COPG2: variants seen among roughly 807,000 people sequenced by gnomAD.
COPG2 encodes coatomer subunit gamma-2.
In COPG2, 37 loss-of-function variants were observed where a neutral mutation model predicts 46.3. That is an observed-to-expected ratio of 0.80 (90% CI 0.61 to 1.05). The LOEUF (loss-of-function observed/expected upper bound fraction) is 1.05. Ranked by LOEUF, COPG2 falls within the 50% of genes least tolerant of loss-of-function variation. COPG2 has a pLI of 0.00. For synonymous variants in COPG2, 159 were observed against 129.7 expected (o/e 1.23, Z -1.53); for missense variants, 427 against 387.8 (o/e 1.10, Z -0.85).
chr7:130,645,301 C>G, intron 5 of COPG2: 1 of 607,934 alleles, frequency 1.6e-6, no homozygotes, highest in Non-Finnish European at 3.2e-6. Context: ...CTTCACGACG[C>G]AATGGGAGTT....
At position 130,583,805 on chromosome 7, in the gene COPG2, CAAAAAAAAAAAAAA is replaced by C. The variant is rs1168370976; in HGVS notation, c.738-19426_738-19413del. On this transcript the variant is annotated intron_variant, in intron 9 of 23. Coordinates refer to ENST00000425248, the MANE Select transcript of COPG2 (RefSeq NM_012133.6). The stretch of plus-strand genomic sequence containing the variant: ...CTGGCAACAGAGCGAGACTCCATCT[CAAAAAAAAAAAAAA>C]AAAAAAAAAAAAAAAAGTCCAGGAC... Among the ~76,000 whole-genome samples the C allele has an allele frequency of 5.7e-4, 7 of 12,356 alleles. No individual in the cohort carries two copies. In the South Asian group the frequency reaches 0.016, roughly 29 times the overall value. The allele number at this position is 12,356 out of a possible 152,430, so 8.1% of individuals were successfully genotyped here. A position where few individuals can be genotyped will look rare whatever the true frequency, so the allele number is the denominator to read the frequency against.
intron 20 of COPG2, among the ~76,000 whole-genome samples, chr7:130,518,412 T>C (rs1340597362): frequency 1.3e-5 from 2 of 152,138 alleles, no homozygotes; most frequent in African/African-American, 4.8e-5. Flanking sequence ...AAGACTGGTT[T>C]GAGAGAGCAA....
At chr7:130,530,577 AG>A (rs1384788721) in intron 20 of COPG2, among the ~76,000 whole-genome samples, 5 of 152,288 alleles carry the variant, frequency 3.3e-5, no homozygotes, top group Admixed American at 1.3e-4. Context: ...TATGGAGAAG[AG>A]ATGACTGAGC....
chr7:130,591,312 T>A (rs1458688847), intron 9 of COPG2, among the ~76,000 whole-genome samples: 1 of 68,806 alleles, frequency 1.5e-5, no homozygotes, highest in Non-Finnish European at 3.0e-5. Context: ...GTCCGGGAGG[T>A]GAGGGGCGCC....
At chr7:130,563,769 A>G (rs1261352108) in intron 10 of COPG2, among the ~76,000 whole-genome samples, 9 of 108,798 alleles carry the variant, frequency 8.3e-5, no homozygotes, top group Non-Finnish European at 1.4e-4. Context: ...AAAAAAAAAA[A>G]AAAAGAAAAA....
At chr7:130,643,478 G>A (rs561975301) in intron 5 of COPG2, among the ~76,000 whole-genome samples, 40 of 152,144 alleles carry the variant, frequency 2.6e-4, no homozygotes, top group Non-Finnish European at 5.7e-4. Context: ...TAAGGAGCCA[G>A]GAGTAGATAA....
intron 5 of COPG2, among the ~76,000 whole-genome samples, chr7:130,618,901 C>T (rs377526864): frequency 1.0e-3 from 157 of 152,264 alleles, no homozygotes; most frequent in African/African-American, 3.5e-3. Context: ...TTAATACCTT[C>T]ACCCAAGCTT....
At chr7:130,615,120 C>T (rs1407167732) in intron 6 of COPG2, among the ~76,000 whole-genome samples, 1 of 152,168 alleles carries the variant, frequency 6.6e-6, no homozygotes, top group Non-Finnish European at 1.5e-5. Context: ...TGGATACGGT[C>T]CTTGGCTTTG....
At chr7:130,668,554 G>T in intron 1 of COPG2, 78 bp downstream of exon 1, 9 of 1,374,588 alleles carry the variant, frequency 6.5e-6, no homozygotes, top group Non-Finnish European at 5.9e-6. Flanking sequence ...CAGCCCCGCC[G>T]GCCTGAAAGC....
At chr7:130,511,888 T>C (rs1392304277) in intron 20 of COPG2, 2 of 515,520 alleles carry the variant, frequency 3.9e-6, no homozygotes, top group Admixed American at 2.0e-5. Context: ...ACTTGCTTGA[T>C]AGGAAAGTTA....
At chr7:130,638,236 A>C (rs1795384337) in intron 5 of COPG2, among the ~76,000 whole-genome samples, 1 of 152,174 alleles carries the variant, frequency 6.6e-6, no homozygotes, top group African/African-American at 2.4e-5. Flanking sequence ...TCTGACCCTT[A>C]GGAGAGCTTG....
chr7:130,616,459 G>A (rs1208497720), intron 6 of COPG2, among the ~76,000 whole-genome samples: 1 of 152,132 alleles, frequency 6.6e-6, no homozygotes, highest in African/African-American at 2.4e-5. Context: ...GTGTGGTGGT[G>A]GGTGCCTCAA....
chr7:130,550,509 A>G lies in COPG2; in HGVS notation c.1774+15T>C. 1 of 395,770 alleles carries G rather than the reference A, an allele frequency of 2.5e-6. No homozygotes were observed. The highest frequency in any genetic ancestry group is 1.3e-4 in the South Asian group (1 of 7,718). The allele number at this position is 395,770 out of a possible 1,614,324, so 24.5% of individuals were successfully genotyped here. On this transcript the variant is annotated intron_variant, in intron 17 of 23. Transcript: ENST00000425248. ...TGCAAAACTACTTATACACAGAAAAATGAATAGAGTGAACCTGCTTTCTGT... is the reference window on the plus strand; with the variant it reads ...TGCAAAACTACTTATACACAGAAAAGTGAATAGAGTGAACCTGCTTTCTGT...
chr7:130,532,671 A>C (rs1254134727), intron 20 of COPG2, among the ~76,000 whole-genome samples: 1 of 152,130 alleles, frequency 6.6e-6, no homozygotes, highest in East Asian at 1.9e-4. Flanking sequence ...ATGTTTCCAC[A>C]TGGTGTGAGA....
chr7:130,572,300 G>T (rs2116419054), intron 9 of COPG2, among the ~76,000 whole-genome samples: 1 of 152,194 alleles, frequency 6.6e-6, no homozygotes, highest in African/African-American at 2.4e-5. Context: ...CCCAATAACT[G>T]ATAGAACAAC....
chr7:130,574,105 A>AACTAATC (rs1793962748), intron 9 of COPG2, among the ~76,000 whole-genome samples: 1 of 152,212 alleles, frequency 6.6e-6, no homozygotes, highest in South Asian at 2.1e-4. Flanking sequence ...AGTGCCCATC[A>AACTAATC]ACTAATGAAA....
intron 4 of COPG2, among the ~76,000 whole-genome samples, chr7:130,661,539 T>A (rs1373893112): frequency 6.6e-6 from 1 of 152,220 alleles, no homozygotes; most frequent in Non-Finnish European, 1.5e-5. Context: ...TTAAAAGAAG[T>A]CCTTAAAGAT....
chr7:130,662,847 A>T (rs3909555), intron 4 of COPG2, 120 bp downstream of exon 4: 1 of 664,140 alleles, frequency 1.5e-6, no homozygotes, highest in Non-Finnish European at 2.7e-6. Context: ...AAGTTTTATA[A>T]GCAGTTAAAT....
chr7:130,633,846 G>C (rs1443921119), intron 5 of COPG2, among the ~76,000 whole-genome samples: 2 of 152,138 alleles, frequency 1.3e-5, no homozygotes, highest in African/African-American at 4.8e-5. Context: ...GGTTTTTATG[G>C]TTTTAGGTCT....
Sources: allele counts gnomAD v4.1 joint callset (sites outside exome capture counted in the v4.1 genomes callset), GRCh38; gene constraint gnomAD v4.1.1; transcripts MANE v1.5; gene names NCBI Gene and HGNC (gene_info 2026-07-23, HGNC 2026-07-21).